MCPH1: variants seen among roughly 807,000 people sequenced by gnomAD.
MCPH1 encodes microcephalin.
In MCPH1, 104 loss-of-function variants were observed where a neutral mutation model predicts 84.5. The observed-to-expected ratio is 1.23, with a 90% CI of 1.05 to 1.45. The LOEUF is 1.45. Ranked by LOEUF, MCPH1 falls within the 40% of genes most tolerant of loss-of-function variation. The pLI, the probability that MCPH1 is intolerant of heterozygous loss-of-function variation, is 0.00. For missense variants in MCPH1, 1,498 were observed against 1,005.7 expected (o/e 1.49, Z -6.62); for synonymous variants, 514 against 366.8 (o/e 1.40, Z -4.58).
chr8:6,617,277 G>GTTTTTTTTTTTTTTTTT (rs71213326), intron 12 of MCPH1: 1 of 114,642 alleles, frequency 8.7e-6, no homozygotes, highest in African/African-American at 3.6e-5. Context: ...TGTTTTTTTT[G>GTTTTTTTTTTTTTTTTT]TTTTTTTTTT....
intron 11 of MCPH1, chr8:6,499,619 A>G: frequency 2.1e-6 from 1 of 466,200 alleles, no homozygotes; most frequent in Admixed American, 3.5e-5. Flanking sequence ...CCTCATGAGA[A>G]TAATGACTCA....
intron 12 of MCPH1, among the ~76,000 whole-genome samples, chr8:6,531,133 G>A (rs182650424): frequency 3.9e-5 from 6 of 152,084 alleles, no homozygotes; most frequent in Admixed American, 1.3e-4. Context: ...AGCTTGGAGC[G>A]TCTGCATTTG....
chr8:6,542,715 C>T (rs768841939), intron 12 of MCPH1, among the ~76,000 whole-genome samples: 2 of 151,926 alleles, frequency 1.3e-5, no homozygotes, highest in African/African-American at 4.8e-5. Flanking sequence ...TTTTTGCTGT[C>T]TCTTTCTGTG....
At chr8:6,532,505 T>G in intron 12 of MCPH1, 1 of 1,588,450 alleles carries the variant, frequency 6.3e-7, no homozygotes, top group Non-Finnish European at 8.6e-7. Flanking sequence ...AGAACAGTGT[T>G]AGAAGGCAGT....
intron 3 of MCPH1, among the ~76,000 whole-genome samples, chr8:6,426,178 G>C (rs778856289): frequency 6.6e-6 from 1 of 151,942 alleles, no homozygotes; most frequent in Non-Finnish European, 1.5e-5. Context: ...TAGTTGGTTT[G>C]TTTTTTTAAA....
chr8:6,528,059 C>A (rs941175993), intron 12 of MCPH1, among the ~76,000 whole-genome samples: 1 of 128,118 alleles, frequency 7.8e-6, no homozygotes, highest in Non-Finnish European at 1.8e-5. Flanking sequence ...CCATACCCAG[C>A]TAATTTTTTA....
intron 12 of MCPH1, chr8:6,521,209 A>T: frequency 6.2e-7 from 1 of 1,613,892 alleles, no homozygotes; most frequent in Non-Finnish European, 8.5e-7. Context: ...TCAGTAAGTT[A>T]TTAACTGTCT....
intron 13 of MCPH1, among the ~76,000 whole-genome samples, chr8:6,640,270 G>A (rs1797859484): frequency 1.3e-5 from 2 of 151,986 alleles, no homozygotes; most frequent in South Asian, 2.1e-4. Context: ...TAGGATATGT[G>A]TACTTAAATT....
intron 12 of MCPH1, among the ~76,000 whole-genome samples, chr8:6,561,056 G>C (rs1825459278): frequency 6.6e-6 from 1 of 152,210 alleles, no homozygotes; most frequent in Non-Finnish European, 1.5e-5. Context: ...GGTTTACAAA[G>C]AAATAGGAAG....
At chr8:6,473,240 A>G (rs1447189326) in intron 9 of MCPH1, among the ~76,000 whole-genome samples, 1 of 151,898 alleles carries the variant, frequency 6.6e-6, no homozygotes, top group East Asian at 1.9e-4. Flanking sequence ...AATAAACTTA[A>G]AAGATATCCA....
intron 9 of MCPH1, chr8:6,477,382 T>C (rs1388238188): frequency 1.8e-6 from 1 of 548,698 alleles, no homozygotes; most frequent in Non-Finnish European, 3.2e-6. Context: ...ATGTCTGGAT[T>C]ATTTTGGATT....
intron 9 of MCPH1, among the ~76,000 whole-genome samples, chr8:6,471,419 TC>T (rs1405793486): frequency 6.6e-6 from 1 of 152,220 alleles, no homozygotes; most frequent in Non-Finnish European, 1.5e-5. Context: ...AATTACAGTT[TC>T]ACAATTCTGG....
chr8:6,571,403 T>G (rs980593213), intron 12 of MCPH1, among the ~76,000 whole-genome samples: 1 of 152,232 alleles, frequency 6.6e-6, no homozygotes, highest in Non-Finnish European at 1.5e-5. Flanking sequence ...ACATTAAATG[T>G]TCCCAAATCC....
At chr8:6,504,545 T>G (rs966390700) in intron 12 of MCPH1, among the ~76,000 whole-genome samples, 3 of 152,148 alleles carry the variant, frequency 2.0e-5, no homozygotes. Context: ...TAACGCTTAT[T>G]TGACTTAATA....
intron 12 of MCPH1, among the ~76,000 whole-genome samples, chr8:6,550,492 C>G (rs1355658149): frequency 6.6e-6 from 1 of 152,194 alleles, no homozygotes; most frequent in African/African-American, 2.4e-5. Context: ...GAAGCGGAAA[C>G]AAGGGTATGT....
At chr8:6,589,915 T>C (rs1043860228) in intron 12 of MCPH1, among the ~76,000 whole-genome samples, 6 of 152,232 alleles carry the variant, frequency 3.9e-5, no homozygotes, top group African/African-American at 7.2e-5. Context: ...AATAATTCAA[T>C]AGAGAAGTCT....
chr8:6,513,773 G>A, intron 12 of MCPH1: 1 of 1,613,996 alleles, frequency 6.2e-7, no homozygotes, highest in South Asian at 1.1e-5. Context: ...TAAGCACATA[G>A]CGTTGCTGAT....
chr8:6,490,659 C>T (rs1452534495), intron 11 of MCPH1, among the ~76,000 whole-genome samples: 2 of 152,110 alleles, frequency 1.3e-5, no homozygotes, highest in African/African-American at 4.8e-5. Flanking sequence ...CCACCTAATG[C>T]CTTTCTCCTA....
rs1563292420 is a variant in MCPH1, at chr8:6,499,653, T to C, written c.2137-199T>C. The C allele has an allele frequency of 3.1e-5, 17 of 544,100 alleles. No individual in the cohort carries two copies. In the South Asian group the frequency reaches 3.7e-4, roughly 12 times the overall value. The allele number at this position is 544,100 out of a possible 1,614,324, so 33.7% of individuals were successfully genotyped here. A position where few individuals can be genotyped will look rare whatever the true frequency, so the allele number is the denominator to read the frequency against. ...CAGATTTCTTGTTATCGTGAGACTT[T>C]TTCTCAATCAACTTTTTATTAATAT... On this transcript the variant is annotated intron_variant, in intron 11 of 13. Transcript: ENST00000344683.
Sources: gnomAD v4.1 joint callset for allele counts (sites outside exome capture counted in the v4.1 genomes callset) on GRCh38, gnomAD v4.1.1 for gene constraint, MANE v1.5 for transcripts, NCBI Gene and HGNC (gene_info 2026-07-23, HGNC 2026-07-21) for gene names.